The following XCR1 variants were observed in gnomAD, a reference collection of about 807,000 sequenced individuals.
The protein encoded by XCR1 is X-C motif chemokine receptor 1, also known as chemokine XC receptor 1.
For missense variants in XCR1, 356 were observed against 424.2 expected (o/e 0.84, Z 1.41); for synonymous variants, 187 against 188.5 (o/e 0.99, Z 0.06).
chr3:46,035,770 T>A (rs888924708), intron 5 of XCR1, among the ~76,000 whole-genome samples: 7 of 152,184 alleles, frequency 4.6e-5, no homozygotes, highest in African/African-American at 1.7e-4. Context: ...ATTTGCAGGT[T>A]GAACAAGCCC....
chr3:46,020,778 G>A lies in XCR1; in HGVS notation c.*168C>T. ...GGAAGCCACTTTCCCGCAGATGAGA[G>A]GCTGGCGGGACCCACTGGTGTAATG... On this transcript the variant is annotated 3_prime_UTR_variant, in exon 2 of 2. Coordinates refer to ENST00000309285, the MANE Select transcript of XCR1 (RefSeq NM_001024644.2). 2 of 938,070 alleles carry A rather than the reference G, an allele frequency of 2.1e-6. No individual in the cohort carries two copies. Among genetic ancestry groups the A allele is most frequent in the Non-Finnish European group, 3.1e-6 (2 of 654,008 alleles). 58.1% of individuals were successfully genotyped at this position (938,070 alleles called of 1,614,324 possible). A position where few individuals can be genotyped will look rare whatever the true frequency, so the allele number is the denominator to read the frequency against.
Position 46,021,251 on chromosome 3 carries a change from C to T in XCR1, c.697G>A (p.Ala233Thr). The change falls in exon 2 of 2, where the codon GCC becomes ACC. Residue 233 changes from alanine (A) to threonine (T), a missense_variant. Physicochemically the swap from Ala to Thr is moderately conservative, Grantham distance 58. Coordinates refer to ENST00000309285, the MANE Select transcript of XCR1 (RefSeq NM_001024644.2). The surrounding 1 kb of genome is among the most constrained non-coding windows in gnomAD (Gnocchi z 4.7). ...TAGGGACCCCAGCTGAGGAAGTAGG[C>T]CACCACGATGGCGAAGATGAGCTTG... ...TVKLIFAIVV[A>T]YFLSWGPYNF... 1 of 1,613,942 alleles carries T rather than the reference C, an allele frequency of 6.2e-7. No homozygotes were observed. Among genetic ancestry groups the T allele is most frequent in the Non-Finnish European group, 8.5e-7 (1 of 1,179,960 alleles).
chr3:46,072,355 C>CA (rs1698176785), intron 3 of XCR1, among the ~76,000 whole-genome samples: 1 of 151,904 alleles, frequency 6.6e-6, no homozygotes, highest in African/African-American at 2.4e-5. Flanking sequence ...CCTGTTTCTA[C>CA]AAAAAATACA....
chr3:46,085,506 TCC>T (rs1698459004), intron 1 of XCR1, among the ~76,000 whole-genome samples: 5 of 152,216 alleles, frequency 3.3e-5, no homozygotes, highest in Admixed American at 3.3e-4. Flanking sequence ...GAGTTTGCAC[TCC>T]ATCCTGTCTG....
At chr3:46,035,587 A>C (rs183258208) in intron 5 of XCR1, among the ~76,000 whole-genome samples, 44 of 151,932 alleles carry the variant, frequency 2.9e-4, no homozygotes, top group Non-Finnish European at 4.9e-4. Context: ...GGTTGGAGAT[A>C]AGTTTCAGTC....
chr3:46,079,348 G>A (rs918140014), intron 1 of XCR1, among the ~76,000 whole-genome samples: 1 of 152,056 alleles, frequency 6.6e-6, no homozygotes, highest in Admixed American at 6.5e-5. Context: ...AAAAAAGCTG[G>A]TTTTAGAACA....
chr3:46,040,990 A>G (rs1250872079), intron 5 of XCR1, among the ~76,000 whole-genome samples: 1 of 151,958 alleles, frequency 6.6e-6, no homozygotes, highest in Non-Finnish European at 1.5e-5. Context: ...AATATTGCCG[A>G]TTCTTTTTTG....
At chr3:46,022,588 A>G (rs1379732409) in intron 1 of XCR1, among the ~76,000 whole-genome samples, 2 of 152,234 alleles carry the variant, frequency 1.3e-5, no homozygotes, top group Admixed American at 1.3e-4. Context: ...CTGACTACCT[A>G]TTCCCATCAT....
chr3:46,023,729 T>G (rs1181133984), intron 1 of XCR1: 22 of 1,538,288 alleles, frequency 1.4e-5, no homozygotes, highest in Non-Finnish European at 1.9e-5. Flanking sequence ...CTATATTTAC[T>G]TCAGCAAAAG....
intron 1 of XCR1, among the ~76,000 whole-genome samples, chr3:46,080,332 G>A (rs1398547743): frequency 6.6e-6 from 1 of 152,136 alleles, no homozygotes; most frequent in Non-Finnish European, 1.5e-5. Flanking sequence ...TGACAATGCC[G>A]CTAAGAATGC....
chr3:46,022,179 T>G, intron 1 of XCR1: 2 of 461,914 alleles, frequency 4.3e-6, no homozygotes, highest in Non-Finnish European at 3.8e-6. Context: ...CGCATGCCTA[T>G]AGTCCCAGCT....
chr3:46,062,439 C>T (rs1051801833), intron 4 of XCR1, among the ~76,000 whole-genome samples: 11 of 152,226 alleles, frequency 7.2e-5, no homozygotes, highest in African/African-American at 2.4e-4. Flanking sequence ...CAACTTTTGC[C>T]CTGGGTCTCC....
chr3:46,056,112 T>G (rs1250961500), intron 4 of XCR1, among the ~76,000 whole-genome samples: 3 of 152,324 alleles, frequency 2.0e-5, no homozygotes, highest in Non-Finnish European at 2.9e-5. Context: ...GGGACTGTCT[T>G]CCTCCACTCT....
intron 4 of XCR1, among the ~76,000 whole-genome samples, chr3:46,055,152 A>G (rs1436617092): frequency 2.0e-5 from 3 of 152,234 alleles, no homozygotes; most frequent in Non-Finnish European, 4.4e-5. Flanking sequence ...CATATAATGA[A>G]GCATTAATCA....
Position 46,017,820 on chromosome 3 carries a change from G to A in XCR1, c.*3126C>T, listed in dbSNP as rs1338458703. On this transcript the variant is annotated 3_prime_UTR_variant, in exon 2 of 2. Transcript: ENST00000309285. ...GCAGCTCTGTGTCCAGGACATCTCT[G>A]TTTGGAGGGAGAGATAGGCCTGCAA... The A allele has an allele frequency of 6.6e-6, 1 of 152,258 alleles. No homozygotes were observed. The highest frequency in any genetic ancestry group is 1.5e-5 in the Non-Finnish European group (1 of 68,074). The allele number at this position is 152,258 out of a possible 1,614,324, so 9.4% of individuals were successfully genotyped here.
chr3:46,078,783 T>C (rs957284890), intron 1 of XCR1, among the ~76,000 whole-genome samples: 11 of 151,888 alleles, frequency 7.2e-5, no homozygotes, highest in Non-Finnish European at 1.6e-4. Context: ...CTTTGACCAA[T>C]TGGAGTGCTC....
intron 4 of XCR1, among the ~76,000 whole-genome samples, chr3:46,057,079 A>T (rs1697867378): frequency 6.6e-6 from 1 of 152,182 alleles, no homozygotes; most frequent in Non-Finnish European, 1.5e-5. Flanking sequence ...CAAAATAATG[A>T]TGCTAAATGC....
chr3:46,021,326 T>G lies in XCR1; in HGVS notation c.622A>C (p.Ile208Leu). Reference sequence around the variant, plus strand: ...CGTGAGCGGAACAGGGTCCTGAGGATCTCCACGTAGCAGAACAGGATAATC... The same window carrying G: ...CGTGAGCGGAACAGGGTCCTGAGGAGCTCCACGTAGCAGAACAGGATAATC... ...LGIILFCYVE[I>L]LRTLFRSRSK... The change falls in exon 2 of 2, where the codon ATC (isoleucine) becomes CTC (leucine). Residue 208 changes from isoleucine to leucine, a missense_variant. Coordinates refer to ENST00000309285, the MANE Select transcript of XCR1 (RefSeq NM_001024644.2). The surrounding 1 kb of genome is among the most constrained non-coding windows in gnomAD (Gnocchi z 4.7). 6.2e-7 allele frequency: 1 copy of G among 1,613,964 alleles called. No homozygotes were observed. The highest frequency in any genetic ancestry group is 1.3e-5 in the African/African-American group (1 of 74,956).
intron 4 of XCR1, among the ~76,000 whole-genome samples, chr3:46,058,586 C>T (rs570083507): frequency 1.4e-4 from 21 of 152,310 alleles, no homozygotes; most frequent in African/African-American, 4.6e-4. Context: ...CTTACTCTGT[C>T]ACCAGGGCTG....
Sources: gnomAD v4.1 joint callset for allele counts (sites outside exome capture counted in the v4.1 genomes callset) on GRCh38, gnomAD v4.1.1 for gene constraint, Gnocchi (gnomAD v3.1) non-coding constraint, MANE v1.5 for transcripts, NCBI Gene and HGNC (gene_info 2026-07-23, HGNC 2026-07-21) for gene names.